The following KBTBD12 variants were observed in gnomAD, a reference collection of about 807,000 sequenced individuals.
KBTBD12 encodes kelch repeat and BTB domain-containing protein 12.
In KBTBD12, 53 loss-of-function variants were observed where a neutral mutation model predicts 58.7. That is an observed-to-expected ratio of 0.90 (90% CI 0.72 to 1.14). The LOEUF (loss-of-function observed/expected upper bound fraction) is 1.14. Among genes scored for constraint, KBTBD12 ranks in the 50% most tolerant of loss-of-function variants. The pLI, the probability that KBTBD12 is intolerant of heterozygous loss-of-function variation, is 0.00. For missense variants in KBTBD12, 704 were observed against 751.3 expected (o/e 0.94, Z 0.74); for synonymous variants, 236 against 259.8 (o/e 0.91, Z 0.88).
At chr3:127,924,325 T>A (rs1002656528) in intron 2 of KBTBD12, among the ~76,000 whole-genome samples, 194 bp downstream of exon 2, 1 of 148,780 alleles carries the variant, frequency 6.7e-6, no homozygotes, top group African/African-American at 2.4e-5. Context: ...TATATATATA[T>A]AATCTATAAC....
chr3:127,915,823 C>T (rs560226504), intron 1 of KBTBD12, among the ~76,000 whole-genome samples: 1 of 152,218 alleles, frequency 6.6e-6, no homozygotes, highest in African/African-American at 2.4e-5. Context: ...TGTTCAGGCT[C>T]GTAGTCTGCA....
At chr3:127,971,482 G>A (rs1940681655) in intron 5 of KBTBD12, among the ~76,000 whole-genome samples, 1 of 152,130 alleles carries the variant, frequency 6.6e-6, no homozygotes, top group African/African-American at 2.4e-5. Context: ...TCCAGCTGTT[G>A]GCCCTTTGAG....
chr3:127,951,494 C>T (rs1359773142), intron 4 of KBTBD12, among the ~76,000 whole-genome samples: 1 of 152,180 alleles, frequency 6.6e-6, no homozygotes, highest in East Asian at 1.9e-4. Flanking sequence ...CTGCCTTCCA[C>T]AGTGTGAGGC....
At chr3:127,951,480 T>C (rs995217187) in intron 4 of KBTBD12, among the ~76,000 whole-genome samples, 7 of 152,214 alleles carry the variant, frequency 4.6e-5, no homozygotes, top group African/African-American at 1.7e-4. Context: ...CAGCCTCTGA[T>C]TGGCTGCCTT....
At chr3:127,956,998 A>G (rs1262358495) in intron 4 of KBTBD12, among the ~76,000 whole-genome samples, 1 of 152,204 alleles carries the variant, frequency 6.6e-6, no homozygotes, top group Admixed American at 6.5e-5. Context: ...CGTAATACAT[A>G]TTTTAAAACA....
intron 1 of KBTBD12, among the ~76,000 whole-genome samples, chr3:127,918,200 C>G (rs773169076): frequency 6.6e-5 from 10 of 152,172 alleles, no homozygotes; most frequent in Non-Finnish European, 1.0e-4. Context: ...AGACAAGTCC[C>G]TTACCCGCAG....
In KBTBD12 at chr3:127,930,185, A is replaced by G. The variant is rs983680039; in HGVS notation, c.1394A>G (p.Tyr465Cys). Residue 465 changes from tyrosine to cysteine, a missense_variant, in exon 4 of 6, where the codon TAT (tyrosine) becomes TGT (cysteine). By Grantham distance (194) the Tyr-to-Cys change is radical. Transcript: ENST00000405109. ...PDRLSNKLLQ[Y>C]DPSQDQWSVR... is the part of the protein sequence containing the mutation. ...CGATTAAGCAACAAACTGTTGCAGT[A>G]TGACCCCAGCCAAGATCAATGGAGT... 6.2e-7 allele frequency: 1 copy of G among 1,604,692 alleles called. No individual in the cohort carries two copies. Among genetic ancestry groups the G allele is most frequent in the Non-Finnish European group, 8.5e-7 (1 of 1,175,114 alleles).
chr3:127,923,597 CA>C lies in KBTBD12; in HGVS notation c.537del (p.Ile181LeufsTer17), dbSNP rs765433166. The C allele has an allele frequency of 6.2e-7, 1 of 1,613,570 alleles. No individual in the cohort carries two copies. The highest frequency in any genetic ancestry group is 1.1e-5 in the South Asian group (1 of 91,018). ...ILEIEVHQFL[T>X]LIKSDDLNIS... ...GAAATCGAAGTGCACCAATTTTTGA[CA>C]CTTATTAAATCAGATGATCTTAACA... On this transcript the variant is annotated frameshift_variant, in exon 2 of 6. Transcript: ENST00000405109. LOFTEE classifies it high-confidence loss of function.
At chr3:127,975,636 T>C (rs1460391250) in intron 5 of KBTBD12, among the ~76,000 whole-genome samples, 2 of 152,198 alleles carry the variant, frequency 1.3e-5, no homozygotes, top group Non-Finnish European at 2.9e-5. Flanking sequence ...AGGAACTCAG[T>C]CTCCATGCTC....
Position 127,917,553 on chromosome 3 carries a change from G to A in KBTBD12, c.-113+1967G>A, listed in dbSNP as rs1191988614. 4.6e-5 allele frequency among the ~76,000 whole-genome samples: 7 copies of A among 152,290 alleles called. No homozygotes were observed. The East Asian group carries it at 1.4e-3, about 29-fold the overall frequency. On this transcript the variant is annotated intron_variant, in intron 1 of 5. Transcript: ENST00000405109. ...CTCTCCCTGGAGGTCAGGGGATGGA[G>A]CTGAAAGTCCCAATGCTCTAATCCT...
At position 127,923,253 on chromosome 3, in the gene KBTBD12, A is replaced by G. The variant is rs1417267533; in HGVS notation, c.192A>G (p.Leu64=). 1 of 1,613,886 alleles carries G rather than the reference A, an allele frequency of 6.2e-7. No homozygotes were observed. The highest frequency in any genetic ancestry group is 1.1e-5 in the South Asian group (1 of 91,070). ...TCAAAGCTATGTTCACCTGTGGACTACTTGAATGTAATCAAAGGGAAGTCA... is the reference window on the plus strand; with the variant it reads ...TCAAAGCTATGTTCACCTGTGGACTGCTTGAATGTAATCAAAGGGAAGTCA... ...PYFKAMFTCG[L]LECNQREVIL... is the part of the protein sequence containing the mutation. Residue 64 remains leucine, a synonymous_variant, in exon 2 of 6, where the codon CTA becomes CTG. Transcript: ENST00000405109.
At chr3:127,933,107 C>T in intron 4 of KBTBD12, among the ~76,000 whole-genome samples, 1 of 152,044 alleles carries the variant, frequency 6.6e-6, no homozygotes. Context: ...TAAAATAAAA[C>T]AAAACCAGGC....
chr3:127,956,967 G>C (rs1443340486), intron 4 of KBTBD12, among the ~76,000 whole-genome samples: 5 of 152,148 alleles, frequency 3.3e-5, no homozygotes, highest in African/African-American at 1.2e-4. Context: ...GGTATCTTCA[G>C]TTCACTAAGG....
chr3:127,963,050 G>C, intron 4 of KBTBD12, 139 bp from the exon 5 acceptor site: 1 of 681,558 alleles, frequency 1.5e-6, no homozygotes, highest in Non-Finnish European at 2.5e-6. Flanking sequence ...CTTAGAACTT[G>C]TCTTCAAGGT....
chr3:127,934,996 A>G (rs1341189016), intron 4 of KBTBD12, among the ~76,000 whole-genome samples: 1 of 152,166 alleles, frequency 6.6e-6, no homozygotes, highest in Non-Finnish European at 1.5e-5. Flanking sequence ...TAAATGGTAA[A>G]TATATAAGGA....
intron 5 of KBTBD12, among the ~76,000 whole-genome samples, chr3:127,982,428 G>A (rs1940889293): frequency 6.6e-6 from 1 of 151,954 alleles, no homozygotes; most frequent in African/African-American, 2.4e-5. Context: ...TCATCCCAGG[G>A]CCAGGCACCA....
At position 127,928,045 on chromosome 3, in the gene KBTBD12, T is replaced by A. The variant is rs1254198736; in HGVS notation, c.1341+11T>A. The A allele has an allele frequency of 1.2e-6, 2 of 1,609,548 alleles. No individual in the cohort carries two copies. Among genetic ancestry groups the A allele is most frequent in the Admixed American group, 3.3e-5 (2 of 59,852 alleles). On this transcript the variant is annotated intron_variant, in intron 3 of 5. Transcript: ENST00000405109. ...GGCTGGACCCCTCAGGTTAAGAAATTTCCTGTATACATAATTGGCATGGCT... is the reference window on the plus strand; with the variant it reads ...GGCTGGACCCCTCAGGTTAAGAAATATCCTGTATACATAATTGGCATGGCT...
At chr3:127,949,131 T>C (rs1488832838) in intron 4 of KBTBD12, among the ~76,000 whole-genome samples, 2 of 152,236 alleles carry the variant, frequency 1.3e-5, no homozygotes, top group Non-Finnish European at 2.9e-5. Context: ...CGATGATTGC[T>C]ACTTACAGAG....
intron 4 of KBTBD12, among the ~76,000 whole-genome samples, chr3:127,947,175 T>C (rs571923332): frequency 2.0e-5 from 3 of 152,334 alleles, no homozygotes; most frequent in African/African-American, 7.2e-5. Flanking sequence ...GATTTTTTTC[T>C]TGTATACTGA....
Sources: gnomAD v4.1 joint callset for allele counts (sites outside exome capture counted in the v4.1 genomes callset) on GRCh38, gnomAD v4.1.1 for gene constraint, MANE v1.5 for transcripts, NCBI Gene and HGNC (gene_info 2026-07-23, HGNC 2026-07-21) for gene names.